The following NAALADL2 variants were observed in gnomAD, a reference collection of about 807,000 sequenced individuals.
The protein encoded by NAALADL2 is N-acetylated alpha-linked acidic dipeptidase like 2.
In NAALADL2, 76 loss-of-function variants were observed where a neutral mutation model predicts 87.2. The ratio of observed to expected loss-of-function variants is 0.87; its 90% CI spans 0.72 to 1.05. The LOEUF is 1.05. NAALADL2 is among the 50% of genes least tolerant of loss of function. The pLI is 0.00. For missense variants in NAALADL2, 1,089 were observed against 945.8 expected, an observed-to-expected ratio of 1.15 and a Z score of -1.99; for synonymous variants, 354 against 331.0, an observed-to-expected ratio of 1.07 and a Z score of -0.75.
At chr3:174,863,885 G>A (rs1432152196) in intron 1 of NAALADL2, 4 of 325,736 alleles carry the variant, frequency 1.2e-5, no homozygotes, top group South Asian at 9.6e-5. Flanking sequence ...GTTCCATGAG[G>A]AAGGCTTTCA....
chr3:175,556,628 C>T (rs6766314), intron 9 of NAALADL2, among the ~76,000 whole-genome samples: 3,098 of 151,978 alleles, frequency 0.02, 79 homozygotes, highest in Admixed American at 0.061. Context: ...TTGCTGAATG[C>T]CAAATATATA....
At chr3:174,621,591 A>C (rs563506021) in intron 2 of NAALADL2, among the ~76,000 whole-genome samples, 1 of 152,266 alleles carries the variant, frequency 6.6e-6, no homozygotes, top group Non-Finnish European at 1.5e-5. Context: ...ATTATAGAAA[A>C]GATCACTTTA....
intron 1 of NAALADL2, among the ~76,000 whole-genome samples, chr3:174,931,028 T>C (rs1392881608): frequency 1.3e-5 from 2 of 151,928 alleles, no homozygotes; most frequent in Non-Finnish European, 2.9e-5. Context: ...AGGTTCTTGA[T>C]GAGAGGTAGT....
chr3:174,917,456 T>C (rs1734568342), intron 1 of NAALADL2, among the ~76,000 whole-genome samples: 1 of 152,154 alleles, frequency 6.6e-6, no homozygotes, highest in Non-Finnish European at 1.5e-5. Context: ...TTAGCTTTTA[T>C]TTTGTTTATG....
At chr3:175,619,269 AG>A (rs1560860927) in intron 10 of NAALADL2, among the ~76,000 whole-genome samples, 26,918 of 80,316 alleles carry the variant, frequency 0.34, 2,666 homozygotes, top group African/African-American at 0.42. Flanking sequence ...GGAAGGAAGG[AG>A]AAGGAAAGAA....
intron 2 of NAALADL2, among the ~76,000 whole-genome samples, chr3:174,600,152 C>T (rs1718297535): frequency 6.6e-6 from 1 of 151,798 alleles, no homozygotes; most frequent in Non-Finnish European, 1.5e-5. Flanking sequence ...TTATGCCTCC[C>T]CACACTTTAG....
chr3:174,897,912 G>C (rs896724010), intron 1 of NAALADL2, among the ~76,000 whole-genome samples: 1 of 137,700 alleles, frequency 7.3e-6, no homozygotes, highest in Non-Finnish European at 1.5e-5. Flanking sequence ...AGGAGATCGA[G>C]ACCATCCCGG....
chr3:175,258,223 G>A (rs539273399), intron 4 of NAALADL2, among the ~76,000 whole-genome samples: 3 of 150,002 alleles, frequency 2.0e-5, no homozygotes, highest in East Asian at 4.0e-4. Context: ...CAAGAGAATC[G>A]CTTGAACCCG....
intron 9 of NAALADL2, among the ~76,000 whole-genome samples, chr3:175,555,460 C>T (rs1715108621): frequency 6.6e-6 from 1 of 152,196 alleles, no homozygotes; most frequent in Non-Finnish European, 1.5e-5. Flanking sequence ...ATTTTCAAAC[C>T]CGTACACTGT....
chr3:174,685,814 C>T (rs1289465635), intron 2 of NAALADL2, among the ~76,000 whole-genome samples: 1 of 151,386 alleles, frequency 6.6e-6, no homozygotes, highest in Non-Finnish European at 1.5e-5. Flanking sequence ...TGATCTTCTC[C>T]CTCCTCCCAC....
intron 1 of NAALADL2, among the ~76,000 whole-genome samples, chr3:175,062,104 G>GGTATT (rs553850176): frequency 3.3e-5 from 5 of 151,678 alleles, no homozygotes; most frequent in Admixed American, 1.3e-4. Context: ...GGAAAGAGAT[G>GGTATT]GTGTTAACTT....
In NAALADL2 at chr3:175,808,678, A is replaced by T. The variant is rs1754908030; in HGVS notation, c.*5475A>T. ...ACCACCTAAGTCCCCAAAGGATCAC[A>T]CAGGTGCCTGTATCATGCCATATGT... On this transcript the variant is annotated 3_prime_UTR_variant, in exon 14 of 14. Transcript: ENST00000454872. 2 of 152,020 alleles carry T rather than the reference A, an allele frequency of 1.3e-5. No homozygotes were observed. The highest frequency in any genetic ancestry group is 2.9e-5 in the Non-Finnish European group (2 of 67,956). The allele number at this position is 152,020 out of a possible 1,614,324, so 9.4% of individuals were successfully genotyped here.
chr3:175,142,415 C>A (rs560146339), intron 2 of NAALADL2, among the ~76,000 whole-genome samples: 1 of 152,048 alleles, frequency 6.6e-6, no homozygotes, highest in African/African-American at 2.4e-5. Flanking sequence ...ATGTATGTTA[C>A]TATATATATT....
At chr3:174,593,195 A>G (rs1038904908) in intron 2 of NAALADL2, among the ~76,000 whole-genome samples, 1 of 152,172 alleles carries the variant, frequency 6.6e-6, no homozygotes, top group African/African-American at 2.4e-5. Flanking sequence ...AATTAGTTTA[A>G]CTCTAAATTG....
At chr3:174,455,841 T>C (rs1030933962) in intron 1 of NAALADL2, among the ~76,000 whole-genome samples, 5 of 152,100 alleles carry the variant, frequency 3.3e-5, no homozygotes, top group Non-Finnish European at 7.4e-5. Context: ...TCACCACTCC[T>C]ATTCAACATA....
intron 3 of NAALADL2, among the ~76,000 whole-genome samples, chr3:174,799,558 G>A (rs1341755897): frequency 6.6e-6 from 1 of 152,152 alleles, no homozygotes; most frequent in African/African-American, 2.4e-5. Flanking sequence ...AAGCCACATG[G>A]AACTGTAAGT....
intron 4 of NAALADL2, among the ~76,000 whole-genome samples, chr3:175,318,435 G>T (rs1461295292): frequency 6.6e-6 from 1 of 151,842 alleles, no homozygotes; most frequent in Non-Finnish European, 1.5e-5. Context: ...GTAATAAAAG[G>T]TAATTTTTTA....
chr3:175,718,405 A>T (rs1741700297), intron 11 of NAALADL2: 4 of 1,590,700 alleles, frequency 2.5e-6, no homozygotes, highest in Non-Finnish European at 3.4e-6. Flanking sequence ...CATTCATATT[A>T]ATTTTTGTTA....
At chr3:175,484,623 A>G (rs1483453587) in intron 9 of NAALADL2, among the ~76,000 whole-genome samples, 1 of 152,156 alleles carries the variant, frequency 6.6e-6, no homozygotes, top group Non-Finnish European at 1.5e-5. Flanking sequence ...AAATATGTAC[A>G]GGGATATATG....
Sources: gnomAD v4.1 joint callset for allele counts (sites outside exome capture counted in the v4.1 genomes callset) on GRCh38, gnomAD v4.1.1 for gene constraint, MANE v1.5 for transcripts, NCBI Gene and HGNC (gene_info 2026-07-23, HGNC 2026-07-21) for gene names.